The following INPP5F variants were observed in gnomAD, a reference collection of about 807,000 sequenced individuals.
The protein encoded by INPP5F is phosphatidylinositide 4-phosphatase SAC2.
A neutral mutation model predicts 137.2 loss-of-function variants in INPP5F; 97 were observed. The ratio of observed to expected loss-of-function variants is 0.71; its 90% CI spans 0.60 to 0.84. The LOEUF is 0.84. Among genes scored for constraint, INPP5F ranks in the 40% least tolerant of loss-of-function variants. INPP5F has a pLI of 0.00. For synonymous variants in INPP5F, 504 were observed against 476.9 expected, an observed-to-expected ratio of 1.06 and a Z score of -0.74; for missense variants, 1,271 against 1,371.9, an observed-to-expected ratio of 0.93 and a Z score of 1.16.
chr10:119,822,934 C>T, intron 17 of INPP5F, 137 bp from the exon 18 acceptor site: 1 of 806,594 alleles, frequency 1.2e-6, no homozygotes, highest in East Asian at 2.8e-5. Flanking sequence ...CTTATCAAAC[C>T]AAATGGTCAC....
chr10:119,808,094 A>T, intron 13 of INPP5F, 34 bp downstream of exon 13: 1 of 1,601,322 alleles, frequency 6.2e-7, no homozygotes, highest in African/African-American at 1.3e-5. Flanking sequence ...GTGGGTCATT[A>T]TGTAGGACAC....
intron 16 of INPP5F, among the ~76,000 whole-genome samples, chr10:119,822,045 G>T (rs1051634659): frequency 6.6e-6 from 1 of 151,528 alleles, no homozygotes; most frequent in Admixed American, 6.6e-5. Flanking sequence ...CGCCTGCCAC[G>T]ACGCCCAGCT....
chr10:119,786,030 C>T (rs1031405921), intron 3 of INPP5F, among the ~76,000 whole-genome samples: 2 of 152,074 alleles, frequency 1.3e-5, no homozygotes, highest in Non-Finnish European at 2.9e-5. Flanking sequence ...AATGGATAAC[C>T]GCATCATTTT....
chr10:119,744,455 AT>A (rs1163139353), intron 1 of INPP5F, among the ~76,000 whole-genome samples: 3 of 152,020 alleles, frequency 2.0e-5, no homozygotes, highest in African/African-American at 7.3e-5. Context: ...GAAGAAAAAA[AT>A]AGTATCTTCT....
chr10:119,793,205 C>T (rs575644333), intron 6 of INPP5F, among the ~76,000 whole-genome samples: 14 of 152,120 alleles, frequency 9.2e-5, no homozygotes, highest in Non-Finnish European at 1.8e-4. Flanking sequence ...TTAAAACTGA[C>T]GACTTGAAGT....
chr10:119,786,518 A>T lies in INPP5F; in HGVS notation c.315+4747A>T, dbSNP rs113271403. ...TAAAGATAACTGTGTAGCAGATTCTAACATACTCACTGGAAATGTTTGCAT... is the reference window on the plus strand; with the variant it reads ...TAAAGATAACTGTGTAGCAGATTCTTACATACTCACTGGAAATGTTTGCAT... On this transcript the variant is annotated intron_variant, in intron 3 of 19. Coordinates refer to ENST00000650623, the MANE Select transcript of INPP5F (RefSeq NM_014937.4). 5.6e-3 allele frequency among the ~76,000 whole-genome samples: 859 copies of T among 152,308 alleles called. 10 individuals are homozygous for T. Among genetic ancestry groups the T allele is most frequent in the African/African-American group, 0.02 (827 of 41,560 alleles).
intron 1 of INPP5F, among the ~76,000 whole-genome samples, chr10:119,729,401 C>T (rs1000564571): frequency 6.6e-6 from 1 of 152,046 alleles, no homozygotes; most frequent in Non-Finnish European, 1.5e-5. Context: ...CCCACCTCGG[C>T]CCCCCAAAGT....
At chr10:119,733,751 A>C (rs1263751966) in intron 1 of INPP5F, among the ~76,000 whole-genome samples, 2 of 152,182 alleles carry the variant, frequency 1.3e-5, no homozygotes, top group East Asian at 1.9e-4. Context: ...AAGGTGCCAG[A>C]AACTAAGGTG....
Position 119,824,177 on chromosome 10 carries a change from T to C in INPP5F, c.2249+275T>C, listed in dbSNP as rs144381218. ...GGCTTCCCTTTATATTACCGACTTA[T>C]AACCATAGACCATTTATCAAAACTT... On this transcript the variant is annotated intron_variant, in intron 19 of 19. Coordinates refer to ENST00000650623, the MANE Select transcript of INPP5F (RefSeq NM_014937.4). Among the ~76,000 whole-genome samples, 12 of 152,306 alleles carry C rather than the reference T, an allele frequency of 7.9e-5. No homozygotes were observed. In the East Asian group the frequency reaches 1.3e-3, roughly 17 times the overall value.
At chr10:119,769,012 G>C (rs1322628585) in intron 2 of INPP5F, among the ~76,000 whole-genome samples, 1 of 152,158 alleles carries the variant, frequency 6.6e-6, no homozygotes, top group Non-Finnish European at 1.5e-5. Context: ...AAGAAAGCAG[G>C]GTTTGGATTA....
intron 2 of INPP5F, among the ~76,000 whole-genome samples, chr10:119,776,338 TA>T (rs530528554): frequency 4.1e-3 from 236 of 58,174 alleles, no homozygotes; most frequent in African/African-American, 0.011. Flanking sequence ...TAGTTAACTC[TA>T]AAAAAATGTG....
intron 2 of INPP5F, among the ~76,000 whole-genome samples, chr10:119,780,283 A>G (rs1480291422): frequency 6.6e-6 from 1 of 151,798 alleles, no homozygotes; most frequent in Non-Finnish European, 1.5e-5. Flanking sequence ...ATTTAATAAT[A>G]TATTTTATTG....
Position 119,827,133 on chromosome 10 carries a change from C to T in INPP5F, c.2752C>T (p.Pro918Ser), listed in dbSNP as rs763341953. The T allele has an allele frequency of 3.7e-6, 6 of 1,614,108 alleles. No homozygotes were observed. The East Asian group carries it at 6.7e-5, about 18-fold the overall frequency. The change falls in exon 20 of 20, where the codon CCT becomes TCT. Residue 918 changes from proline to serine, a missense_variant. Physicochemically the swap from Pro to Ser is moderately conservative, Grantham distance 74 (BLOSUM62 -1). Transcript: ENST00000650623. ...CAGCACAGATAGTAGCGTTCATGCT[C>T]CTTCAGAGATTACTGTTGCTCATGG... ...LSSTDSSVHA[P>S]SEITVAHGSG...
chr10:119,749,784 T>C (rs1405495567), intron 1 of INPP5F, among the ~76,000 whole-genome samples: 1 of 152,246 alleles, frequency 6.6e-6, no homozygotes, highest in Non-Finnish European at 1.5e-5. Context: ...TTATTTTGCT[T>C]TAATTCTTGC....
intron 2 of INPP5F, among the ~76,000 whole-genome samples, chr10:119,778,755 A>G (rs1307156722): frequency 6.6e-6 from 1 of 152,170 alleles, no homozygotes; most frequent in Non-Finnish European, 1.5e-5. Context: ...TATTTTTACC[A>G]AATAGTTTTC....
intron 1 of INPP5F, among the ~76,000 whole-genome samples, chr10:119,749,975 G>A (rs903378496): frequency 1.3e-5 from 2 of 151,966 alleles, no homozygotes; most frequent in African/African-American, 4.8e-5. Flanking sequence ...TCACCATGTG[G>A]GCCAGCTGGT....
At chr10:119,794,663 C>T (rs1850267258) in intron 6 of INPP5F, among the ~76,000 whole-genome samples, 1 of 148,876 alleles carries the variant, frequency 6.7e-6, no homozygotes, top group Admixed American at 6.6e-5. Context: ...CCCCCCACCT[C>T]CCTCCCGGAC....
chr10:119,733,432 A>C (rs1250717384), intron 1 of INPP5F, among the ~76,000 whole-genome samples: 1 of 152,208 alleles, frequency 6.6e-6, no homozygotes, highest in Non-Finnish European at 1.5e-5. Flanking sequence ...ATCTTTGAGC[A>C]GATGCATTGA....
chr10:119,735,542 T>C (rs928890596), intron 1 of INPP5F, among the ~76,000 whole-genome samples: 1 of 152,254 alleles, frequency 6.6e-6, no homozygotes, highest in Non-Finnish European at 1.5e-5. Context: ...AGGTATAATA[T>C]TGATGTTTCA....
Sources: gnomAD v4.1 joint callset for allele counts (sites outside exome capture counted in the v4.1 genomes callset) on GRCh38, gnomAD v4.1.1 for gene constraint, MANE v1.5 for transcripts, NCBI Gene and HGNC (gene_info 2026-07-23, HGNC 2026-07-21) for gene names.